ZYG11B: variants seen among roughly 807,000 people sequenced by gnomAD.
The protein encoded by ZYG11B is zyg-11 family member B, cell cycle regulator, also known as protein zyg-11 homolog B.
A neutral mutation model predicts 82.4 loss-of-function variants in ZYG11B; 36 were observed. The ratio of observed to expected loss-of-function variants is 0.44; its 90% CI spans 0.33 to 0.58. The LOEUF (loss-of-function observed/expected upper bound fraction) is 0.58, where lower values mean the gene tolerates loss of function less well. Ranked by LOEUF, ZYG11B falls within the 20% of genes least tolerant of loss-of-function variation. The probability of loss-of-function intolerance (pLI) is 0.02; values close to 1 mark genes in which losing one functional copy is unlikely to be tolerated. For missense variants in ZYG11B, 552 were observed against 895.6 expected (o/e 0.62, Z 4.90); for synonymous variants, 303 against 312.8 (o/e 0.97, Z 0.33).
intron 1 of ZYG11B, among the ~76,000 whole-genome samples, chr1:52,729,821 T>C (rs985560402): frequency 6.6e-6 from 1 of 152,072 alleles, no homozygotes; most frequent in Non-Finnish European, 1.5e-5. Flanking sequence ...CAGTTCTTTT[T>C]TTTTTGAGGC....
intron 4 of ZYG11B, among the ~76,000 whole-genome samples, chr1:52,781,512 A>T (rs1644855523): frequency 6.6e-6 from 1 of 152,168 alleles, no homozygotes; most frequent in South Asian, 2.1e-4. Context: ...AAGAGAAAAA[A>T]AAAAGATATT....
chr1:52,782,796 T>A (rs892366768), intron 4 of ZYG11B, among the ~76,000 whole-genome samples: 3 of 151,984 alleles, frequency 2.0e-5, no homozygotes, highest in East Asian at 1.9e-4. Context: ...TTTAAAAAAA[T>A]TTTTTGTAGA....
At chr1:52,797,158 A>C (rs1645024377) in intron 8 of ZYG11B, among the ~76,000 whole-genome samples, 1 of 67,574 alleles carries the variant, frequency 1.5e-5, no homozygotes, top group African/African-American at 9.0e-5. Flanking sequence ...TTATATATTT[A>C]TATATTATAT....
At chr1:52,779,814 G>T (rs772499119) in intron 3 of ZYG11B, 39 bp from the exon 4 acceptor site, 1 of 1,609,662 alleles carries the variant, frequency 6.2e-7, no homozygotes, top group South Asian at 1.1e-5. Context: ...GATAGAGAAA[G>T]AGAGAGAATT....
At chr1:52,729,451 G>A (rs1257645381) in intron 1 of ZYG11B, among the ~76,000 whole-genome samples, 2 of 152,210 alleles carry the variant, frequency 1.3e-5, no homozygotes, top group Non-Finnish European at 2.9e-5. Flanking sequence ...GAGAGGTGAG[G>A]AGAAGGCAGA....
chr1:52,753,023 T>G (rs907659750), intron 1 of ZYG11B, among the ~76,000 whole-genome samples: 1 of 152,058 alleles, frequency 6.6e-6, no homozygotes. Flanking sequence ...AATTTTTGTA[T>G]TTTTAGGAGA....
At chr1:52,783,826 A>G (rs1350516926) in intron 4 of ZYG11B, among the ~76,000 whole-genome samples, 1 of 149,144 alleles carries the variant, frequency 6.7e-6, no homozygotes, top group African/African-American at 2.5e-5. Context: ...GTATATGTAT[A>G]CATACGTGTG....
intron 2 of ZYG11B, among the ~76,000 whole-genome samples, chr1:52,767,702 T>C (rs7518390): frequency 0.59 from 90,081 of 151,958 alleles, 29,443 homozygotes; most frequent in East Asian, 0.97. Flanking sequence ...CCCACTAGGA[T>C]TCTATTGATA....
intron 1 of ZYG11B, among the ~76,000 whole-genome samples, chr1:52,737,021 T>G (rs1420689793): frequency 6.6e-6 from 1 of 151,886 alleles, no homozygotes. Flanking sequence ...ATTATGCTGT[T>G]TTTTGTGCCT....
intron 12 of ZYG11B, among the ~76,000 whole-genome samples, chr1:52,815,073 G>A (rs1479768188): frequency 1.3e-5 from 2 of 152,042 alleles, no homozygotes; most frequent in African/African-American, 2.4e-5. Flanking sequence ...CATGAGAATC[G>A]CTTGAACTTG....
intron 3 of ZYG11B, among the ~76,000 whole-genome samples, chr1:52,776,169 A>G (rs1558129958): frequency 7.1e-6 from 1 of 141,538 alleles, no homozygotes; most frequent in Non-Finnish European, 1.5e-5. Flanking sequence ...TGGTGAACCA[A>G]GATGGCGCCA....
At chr1:52,778,552 T>G (rs1644828332) in intron 3 of ZYG11B, among the ~76,000 whole-genome samples, 1 of 152,218 alleles carries the variant, frequency 6.6e-6, no homozygotes, top group Non-Finnish European at 1.5e-5. Context: ...GGTGTTGTAT[T>G]CTTACGTTAT....
intron 5 of ZYG11B, among the ~76,000 whole-genome samples, chr1:52,788,528 G>A (rs1644931622): frequency 6.6e-6 from 1 of 152,184 alleles, no homozygotes; most frequent in Non-Finnish European, 1.5e-5. Flanking sequence ...AGTACTAAGA[G>A]AAACAAGTGC....
intron 8 of ZYG11B, among the ~76,000 whole-genome samples, chr1:52,800,932 T>G (rs1484854805): frequency 6.6e-6 from 1 of 152,248 alleles, no homozygotes; most frequent in Non-Finnish European, 1.5e-5. Flanking sequence ...CATTAATGTT[T>G]TCTTATATCT....
At chr1:52,816,666 T>G (rs767905409) in intron 13 of ZYG11B, 37 bp downstream of exon 13, 3 of 1,427,880 alleles carry the variant, frequency 2.1e-6, no homozygotes, top group Non-Finnish European at 2.9e-6. Context: ...TTTTTTTTCT[T>G]TAAGTGAAAT....
chr1:52,797,465 ATATAT>A (rs1645034649), intron 8 of ZYG11B, among the ~76,000 whole-genome samples: 2 of 61,394 alleles, frequency 3.3e-5, no homozygotes, highest in Admixed American at 3.2e-4. Flanking sequence ...TATATGATAT[ATATAT>A]TATATATGAT....
chr1:52,813,503 C>G, intron 10 of ZYG11B, 33 bp from the exon 11 acceptor site: 1 of 1,507,162 alleles, frequency 6.6e-7, no homozygotes, highest in Non-Finnish European at 9.0e-7. Flanking sequence ...ATACATATTA[C>G]ATTAATTTTT....
chr1:52,762,755 T>C (rs556185378), intron 2 of ZYG11B, among the ~76,000 whole-genome samples: 2 of 151,726 alleles, frequency 1.3e-5, no homozygotes, highest in Non-Finnish European at 2.9e-5. Flanking sequence ...CTAATTTTTG[T>C]ATTTTTAGTA....
intron 5 of ZYG11B, among the ~76,000 whole-genome samples, chr1:52,787,942 A>T (rs183594219): frequency 6.6e-6 from 1 of 152,212 alleles, no homozygotes; most frequent in African/African-American, 2.4e-5. Flanking sequence ...TGTATAGACA[A>T]AGGTACCAGG....
Sources: gnomAD v4.1 joint callset for allele counts (sites outside exome capture counted in the v4.1 genomes callset) on GRCh38, gnomAD v4.1.1 for gene constraint, MANE v1.5 for transcripts, NCBI Gene and HGNC (gene_info 2026-07-23, HGNC 2026-07-21) for gene names.